FAT3: variants seen among roughly 807,000 people sequenced by gnomAD.
FAT3 encodes the protein protocadherin Fat 3.
In FAT3, 95 loss-of-function variants were observed where a neutral mutation model predicts 310.2. The ratio of observed to expected loss-of-function variants is 0.31; its 90% CI spans 0.26 to 0.36. The LOEUF (loss-of-function observed/expected upper bound fraction) is 0.36, where lower values mean the gene tolerates loss of function less well. Among genes scored for constraint, FAT3 ranks in the 10% least tolerant of loss-of-function variants. The pLI, the probability that FAT3 is intolerant of heterozygous loss-of-function variation, is 1.00. For missense variants in FAT3, 5,408 were observed against 5,715.6 expected (o/e 0.95, Z 1.74); for synonymous variants, 2,314 against 2,192.9 (o/e 1.06, Z -1.54).
At chr11:92,602,458 G>A (rs924947757) in intron 3 of FAT3, among the ~76,000 whole-genome samples, 6 of 152,162 alleles carry the variant, frequency 3.9e-5, no homozygotes, top group Non-Finnish European at 8.8e-5. Context: ...TGGGGAGACA[G>A]GAACAGATTG....
chr11:92,608,052 T>C (rs1019076365), intron 3 of FAT3, among the ~76,000 whole-genome samples: 11 of 152,158 alleles, frequency 7.2e-5, no homozygotes, highest in African/African-American at 2.7e-4. Flanking sequence ...CATCTAACAC[T>C]GTGGTTGAGG....
chr11:92,884,183 G>A (rs1196871176), intron 24 of FAT3, among the ~76,000 whole-genome samples: 1 of 152,182 alleles, frequency 6.6e-6, no homozygotes, highest in African/African-American at 2.4e-5. Flanking sequence ...ACACAGAGGA[G>A]GTCGGTGCAG....
intron 2 of FAT3, among the ~76,000 whole-genome samples, chr11:92,379,100 T>C (rs1949425833): frequency 6.6e-6 from 1 of 152,196 alleles, no homozygotes; most frequent in Non-Finnish European, 1.5e-5. Context: ...CCTCTCTCCA[T>C]ATGCTTTCTG....
intron 2 of FAT3, among the ~76,000 whole-genome samples, chr11:92,466,551 A>G (rs551698240): frequency 1.3e-5 from 2 of 150,990 alleles, no homozygotes; most frequent in East Asian, 1.9e-4. Context: ...TCCATTCCGC[A>G]TATCTTTTTT....
chr11:92,869,277 G>C (rs1469304844), intron 22 of FAT3, among the ~76,000 whole-genome samples: 1 of 152,210 alleles, frequency 6.6e-6, no homozygotes, highest in Admixed American at 6.5e-5. Flanking sequence ...CCCGCACCAA[G>C]GCTACTCCCA....
At chr11:92,740,413 A>T (rs1565555675) in intron 4 of FAT3, among the ~76,000 whole-genome samples, 2 of 152,204 alleles carry the variant, frequency 1.3e-5, no homozygotes, top group African/African-American at 4.8e-5. Flanking sequence ...CACTGTTTTC[A>T]CATTACTTAG....
intron 2 of FAT3, among the ~76,000 whole-genome samples, chr11:92,478,952 CTTTTCT>C (rs200679192): frequency 7.8e-5 from 7 of 89,508 alleles, no homozygotes; most frequent in South Asian, 3.5e-4. Context: ...TTCTTTCTTT[CTTTTCT>C]TTTCTTTTCT....
intron 2 of FAT3, among the ~76,000 whole-genome samples, chr11:92,412,771 AATG>A (rs1950325198): frequency 7.4e-6 from 1 of 134,590 alleles, no homozygotes; most frequent in Non-Finnish European, 1.6e-5. Context: ...ATATATATTT[AATG>A]TAAGACTTTA....
At chr11:92,537,386 G>A (rs971724492) in intron 3 of FAT3, among the ~76,000 whole-genome samples, 12 of 152,110 alleles carry the variant, frequency 7.9e-5, no homozygotes, top group African/African-American at 2.9e-4. Context: ...AGGAGCAGCA[G>A]GTTTGAAACC....
intron 4 of FAT3, among the ~76,000 whole-genome samples, chr11:92,726,109 A>G (rs1206516849): frequency 6.6e-6 from 1 of 152,110 alleles, no homozygotes; most frequent in Non-Finnish European, 1.5e-5. Flanking sequence ...TCCCCTGAAA[A>G]CATGTACATC....
At chr11:92,434,771 G>A (rs894726924) in intron 2 of FAT3, among the ~76,000 whole-genome samples, 5 of 152,150 alleles carry the variant, frequency 3.3e-5, no homozygotes, top group African/African-American at 1.2e-4. Context: ...ATAGTAGTTT[G>A]CACATTACTT....
At chr11:92,791,063 C>G (rs1947028632) in intron 8 of FAT3, among the ~76,000 whole-genome samples, 1 of 152,166 alleles carries the variant, frequency 6.6e-6, no homozygotes, top group Non-Finnish European at 1.5e-5. Context: ...CTAAGTGCTA[C>G]TTTCCTTTCA....
intron 19 of FAT3, among the ~76,000 whole-genome samples, chr11:92,853,924 C>T (rs925037325): frequency 6.6e-6 from 1 of 152,164 alleles, no homozygotes; most frequent in Non-Finnish European, 1.5e-5. Flanking sequence ...TTCAGATAGT[C>T]CCTGGCTTGA....
chr11:92,236,609 C>T (rs1194651708), intron 1 of FAT3, among the ~76,000 whole-genome samples: 1 of 152,180 alleles, frequency 6.6e-6, no homozygotes, highest in Non-Finnish European at 1.5e-5. Context: ...ACCAAATCCA[C>T]AGGAGCATGA....
chr11:92,263,162 G>C (rs147820085), intron 1 of FAT3, among the ~76,000 whole-genome samples: 63 of 152,082 alleles, frequency 4.1e-4, no homozygotes, highest in African/African-American at 1.3e-3. Flanking sequence ...GTGTAGTTCA[G>C]CATTTCTCTG....
At chr11:92,680,154 T>G (rs1299313808) in intron 3 of FAT3, among the ~76,000 whole-genome samples, 1 of 151,930 alleles carries the variant, frequency 6.6e-6, no homozygotes, top group East Asian at 1.9e-4. Flanking sequence ...ATCTATGCTT[T>G]TGAGATCTTG....
Position 92,867,012 on chromosome 11 carries a change from A to G in FAT3, c.11930A>G (p.Gln3977Arg), listed in dbSNP as rs2136350510. Residue 3977 changes from glutamine (Q) to arginine (R), a missense_variant, in exon 22 of 28, where the codon CAG (glutamine) becomes CGG (arginine). Physicochemically the swap from Gln to Arg is conservative, Grantham distance 43. Coordinates refer to ENST00000525166, the MANE Select transcript of FAT3 (RefSeq NM_001367949.2). The stretch of plus-strand genomic sequence containing the variant: ...AGCCTGACTGACACGCGGGTCACGC[A>G]GGTGCTCAGCGGCTTCCAGGGCTGC... ...IRSLTDTRVT[Q>R]VLSGFQGCLD... 6.3e-7 allele frequency: 1 copy of G among 1,599,090 alleles called. No individual in the cohort carries two copies. The highest frequency in any genetic ancestry group is 1.1e-5 in the South Asian group (1 of 88,892).
chr11:92,886,031 T>A (rs751787708), intron 24 of FAT3, among the ~76,000 whole-genome samples: 2 of 152,206 alleles, frequency 1.3e-5, no homozygotes, highest in African/African-American at 2.4e-5. Context: ...TAATCACAAG[T>A]CTGTATCTCT....
At chr11:92,832,323 A>G (rs1176676207) in intron 14 of FAT3, among the ~76,000 whole-genome samples, 1 of 152,060 alleles carries the variant, frequency 6.6e-6, no homozygotes, top group Middle Eastern at 3.2e-3. Flanking sequence ...GCAGCAGGGG[A>G]AGACTGTGTC....
Sources: allele counts gnomAD v4.1 joint callset (sites outside exome capture counted in the v4.1 genomes callset), GRCh38; gene constraint gnomAD v4.1.1; transcripts MANE v1.5; gene names NCBI Gene and HGNC (gene_info 2026-07-23, HGNC 2026-07-21).